Variants in OR52I2 observed in about 807,000 individuals in gnomAD.
OR52I2 encodes the protein olfactory receptor 52I2.
For missense variants in OR52I2, 350 were observed against 402.4 expected, an observed-to-expected ratio of 0.87 and a Z score of 1.11; for synonymous variants, 147 against 151.9, an observed-to-expected ratio of 0.97 and a Z score of 0.24.
chr11:4,592,730 A>ATTC (rs1846360700), exon 2 of OR52I2: 1 of 152,196 alleles, frequency 6.6e-6, no homozygotes, highest in South Asian at 2.1e-4. Flanking sequence ...TTCCCCACTT[A>ATTC]GATTGTTACA....
In OR52I2 at chr11:4,587,816, G is replaced by GGA; in HGVS notation, c.928_929dup (p.Ser310ArgfsTer4). On this transcript the variant is annotated frameshift_variant, in exon 2 of 2. Coordinates refer to ENST00000641896, the Ensembl canonical transcript of OR52I2. LOFTEE classifies it low-confidence loss of function (END_TRUNC). The stretch of plus-strand genomic sequence containing the variant: ...ACCAAACAACTGCGGGAGAGAATAT[G>GGA]GAGTTATCTGATGCATGTCCTCTTT... 2 of 1,614,072 alleles carry GGA rather than the reference G, an allele frequency of 1.2e-6. No individual in the cohort carries two copies. Among genetic ancestry groups the GGA allele is most frequent in the Non-Finnish European group, 1.7e-6 (2 of 1,179,950 alleles).
exon 2 of OR52I2, chr11:4,590,904 C>T (rs1164706940): frequency 6.6e-6 from 1 of 152,170 alleles, no homozygotes; most frequent in Non-Finnish European, 1.5e-5. Flanking sequence ...CTAATTTATT[C>T]AATCTGTGCC....
At chr11:4,582,725 T>A (rs1011863447) in intron 1 of OR52I2, among the ~76,000 whole-genome samples, 3 of 152,070 alleles carry the variant, frequency 2.0e-5, no homozygotes, top group Non-Finnish European at 4.4e-5. Flanking sequence ...TGAGCCACCA[T>A]GTCCGGTCGA....
At chr11:4,592,107 CTAGAAGTA>C (rs1263661364) in exon 2 of OR52I2, 2 of 152,132 alleles carry the variant, frequency 1.3e-5, no homozygotes, top group African/African-American at 4.8e-5. Context: ...TTGGAGCAAT[CTAGAAGTA>C]TAGAATCAGG....
At chr11:4,588,683 C>G (rs560106905) in exon 2 of OR52I2, 2 of 152,342 alleles carry the variant, frequency 1.3e-5, no homozygotes, top group South Asian at 4.1e-4. Flanking sequence ...CCAGTGAAAC[C>G]TGGCCCGAGT....
rs572477890 is a variant in OR52I2 at position 4,586,812 on chromosome 11, CAT to C, written c.-19-59_-19-58del. ...ATATCCTTAGGTTTTCCCAGCACCA[CAT>C]GTGTCAACAAATCTTACGGGATTGC... On this transcript the variant is annotated intron_variant, in intron 1 of 1. Transcript: ENST00000641896. 4.1e-4 allele frequency: 668 copies of C among 1,611,884 alleles called. 4 individuals are homozygous for C. In the East Asian group the frequency reaches 5.1e-3, roughly 12 times the overall value.
chr11:4,588,153 G>A (rs1846323336), exon 2 of OR52I2: 1 of 373,016 alleles, frequency 2.7e-6, no homozygotes, highest in Non-Finnish European at 4.8e-6. Context: ...TTAGGCTGAG[G>A]AAGGCACAAA....
chr11:4,582,968 C>T (rs74052445), intron 1 of OR52I2, among the ~76,000 whole-genome samples: 1,573 of 152,224 alleles, frequency 0.01, 33 homozygotes, highest in African/African-American at 0.037. Flanking sequence ...TCTAACTGAA[C>T]ATTTGAGATT....
exon 2 of OR52I2, chr11:4,591,682 T>C (rs1846351671): frequency 6.6e-6 from 1 of 152,192 alleles, no homozygotes; most frequent in African/African-American, 2.4e-5. Context: ...GAAGCACTAA[T>C]TTAGCCTGGA....
exon 2 of OR52I2, chr11:4,588,110 T>C: frequency 2.0e-6 from 1 of 510,814 alleles, no homozygotes; most frequent in Non-Finnish European, 3.5e-6. Context: ...TTGATTGAAC[T>C]TATGTTTCCC....
At chr11:4,583,281 C>A (rs1565761) in intron 1 of OR52I2, among the ~76,000 whole-genome samples, 149,206 of 150,792 alleles carry the variant, frequency 0.99, 73,811 homozygotes, top group Non-Finnish European at 1. Flanking sequence ...TAAAAAAAAA[C>A]CCACCACTCT....
exon 2 of OR52I2, chr11:4,590,676 G>A (rs1846344082): frequency 6.6e-6 from 1 of 152,122 alleles, no homozygotes; most frequent in Non-Finnish European, 1.5e-5. Context: ...GGATTCTCAA[G>A]CTTTATGCAG....
chr11:4,585,722 T>C (rs7124305), intron 1 of OR52I2, among the ~76,000 whole-genome samples: 9,539 of 152,274 alleles, frequency 0.063, 345 homozygotes, highest in African/African-American at 0.098. Context: ...ACTATCCATA[T>C]TGGGCTGGAT....
At chr11:4,588,827 T>C (rs2058077579) in exon 2 of OR52I2, 1 of 152,240 alleles carries the variant, frequency 6.6e-6, no homozygotes. Flanking sequence ...GCTTACTTGC[T>C]TTGTGACTTT....
exon 2 of OR52I2, chr11:4,589,809 T>G (rs1846337613): frequency 6.6e-6 from 1 of 152,186 alleles, no homozygotes; most frequent in Non-Finnish European, 1.5e-5. Flanking sequence ...CAGAAAGGCT[T>G]GATTCAAATG....
chr11:4,587,556 T>C (rs1846316095), exon 2 of OR52I2: 3 of 1,614,140 alleles, frequency 1.9e-6, no homozygotes, highest in Non-Finnish European at 2.5e-6. Flanking sequence ...CTGCCTCCTA[T>C]ATCTTAATTC....
chr11:4,586,152 A>C (rs1174137355), intron 1 of OR52I2, among the ~76,000 whole-genome samples: 1 of 152,178 alleles, frequency 6.6e-6, no homozygotes, highest in East Asian at 1.9e-4. Context: ...GGTAAGGATT[A>C]TATTTCCAGG....
exon 2 of OR52I2, chr11:4,591,449 A>C (rs534987962): frequency 1.3e-5 from 2 of 152,230 alleles, no homozygotes; most frequent in Non-Finnish European, 2.9e-5. Flanking sequence ...TGAGCGATAT[A>C]TGACTACTGT....
chr11:4,590,208 A>C (rs1846340392), exon 2 of OR52I2: 1 of 152,218 alleles, frequency 6.6e-6, no homozygotes, highest in African/African-American at 2.4e-5. Context: ...TGCATTTCCC[A>C]TTATATTCAT....
Sources: allele counts gnomAD v4.1 joint callset (sites outside exome capture counted in the v4.1 genomes callset), GRCh38; gene constraint gnomAD v4.1.1; transcripts MANE v1.5; gene names NCBI Gene and HGNC (gene_info 2026-07-23, HGNC 2026-07-21).